The following HPSE2 variants were observed in gnomAD, a reference collection of about 807,000 sequenced individuals.
The protein encoded by HPSE2 is inactive heparanase-2.
In HPSE2, 38 loss-of-function variants were observed where a neutral mutation model predicts 60.5. The observed-to-expected ratio is 0.63, with a 90% CI of 0.48 to 0.82. The LOEUF (loss-of-function observed/expected upper bound fraction) is 0.82. HPSE2 is among the 40% of genes least tolerant of loss of function. The pLI, the probability that HPSE2 is intolerant of heterozygous loss-of-function variation, is 0.00. For missense variants in HPSE2, 713 were observed against 740.4 expected, an observed-to-expected ratio of 0.96 and a Z score of 0.43; for synonymous variants, 295 against 293.2, an observed-to-expected ratio of 1.01 and a Z score of -0.06.
chr10:99,042,753 G>A (rs1225912568), intron 3 of HPSE2, among the ~76,000 whole-genome samples: 1 of 151,982 alleles, frequency 6.6e-6, no homozygotes, highest in Non-Finnish European at 1.5e-5. Context: ...AGAAATGAAG[G>A]TGCAGTCCCA....
chr10:98,743,990 T>C lies in HPSE2; in HGVS notation c.677A>G (p.Asn226Ser). ...CSGLHLIFAL[N>S]ALRRNPNNSW... ...GTTATTGGGATTACGACGCAGTGCATTTAGAGCAAATATCAGGTGGAGTCC... is the reference window on the plus strand; with the variant it reads ...GTTATTGGGATTACGACGCAGTGCACTTAGAGCAAATATCAGGTGGAGTCC... Residue 226 changes from asparagine (N) to serine (S), a missense_variant, in exon 4 of 12, where the codon AAT becomes AGT. Transcript: ENST00000370552. 6.2e-7 allele frequency: 1 copy of C among 1,614,096 alleles called. No individual in the cohort carries two copies.
At chr10:99,042,698 T>C (rs1957768198) in intron 3 of HPSE2, among the ~76,000 whole-genome samples, 1 of 150,652 alleles carries the variant, frequency 6.6e-6, no homozygotes, top group African/African-American at 2.4e-5. Context: ...TGCCACTGCC[T>C]CTGCCAGAGA....
chr10:98,884,512 C>T (rs1953112269), intron 3 of HPSE2, among the ~76,000 whole-genome samples: 1 of 152,054 alleles, frequency 6.6e-6, no homozygotes, highest in Non-Finnish European at 1.5e-5. Context: ...TAAGTTGAAA[C>T]CAGTGCTCAT....
chr10:99,119,051 AAGAAAGAAAGAGAG>A (rs1564822200), intron 3 of HPSE2, among the ~76,000 whole-genome samples: 1 of 145,862 alleles, frequency 6.9e-6, no homozygotes, highest in Non-Finnish European at 1.5e-5. Flanking sequence ...AAAGAAAAGA[AAGAAAGAAAGAGAG>A]AGAAAGAAAG....
At chr10:98,979,427 T>C (rs1046087021) in intron 3 of HPSE2, among the ~76,000 whole-genome samples, 1 of 152,154 alleles carries the variant, frequency 6.6e-6, no homozygotes, top group African/African-American at 2.4e-5. Context: ...ATAAGCATAG[T>C]GCACAGCATT....
intron 3 of HPSE2, among the ~76,000 whole-genome samples, chr10:98,927,050 T>C (rs1165726228): frequency 2.0e-5 from 3 of 152,226 alleles, no homozygotes; most frequent in South Asian, 4.1e-4. Flanking sequence ...AATTTTGGAA[T>C]AGGCGTGGTG....
At chr10:98,979,875 T>C (rs201157685) in intron 3 of HPSE2, among the ~76,000 whole-genome samples, 1 of 152,176 alleles carries the variant, frequency 6.6e-6, no homozygotes, top group East Asian at 1.9e-4. Flanking sequence ...AAAAGCCATA[T>C]TGGATTGGCC....
chr10:99,295,120 T>C, the HPSE2 span, among the ~76,000 whole-genome samples: 1 of 151,728 alleles, frequency 6.6e-6, no homozygotes, highest in African/African-American at 2.4e-5. Context: ...ACAGTAATAA[T>C]AGCCTTTCAT....
At position 98,877,192 on chromosome 10, in the gene HPSE2, G is replaced by A. The variant is rs60422765; in HGVS notation, c.611-133136C>T. ...CTGAATTTCCTTTTTACTCCTGAGT[G>A]ATGGAAAGCTTGAAACTTAAGTTAA... On this transcript the variant is annotated intron_variant, in intron 3 of 11. Transcript: ENST00000370552. Among the ~76,000 whole-genome samples, 1,387 of 152,016 alleles carry A rather than the reference G, an allele frequency of 9.1e-3. 16 individuals carry two copies. Among genetic ancestry groups the A allele is most frequent in the African/African-American group, 0.031 (1,292 of 41,546 alleles).
chr10:99,036,583 CTCTT>C (rs1204964875), intron 3 of HPSE2, among the ~76,000 whole-genome samples: 3 of 152,126 alleles, frequency 2.0e-5, no homozygotes, highest in African/African-American at 7.2e-5. Flanking sequence ...GGACAACTAA[CTCTT>C]TCTTACAGAA....
At chr10:98,485,288 A>G (rs1157625885) in intron 10 of HPSE2, among the ~76,000 whole-genome samples, 1 of 152,214 alleles carries the variant, frequency 6.6e-6, no homozygotes, top group Non-Finnish European at 1.5e-5. Context: ...AGAACAATCC[A>G]TTAAGATTAT....
At chr10:98,828,960 T>C (rs936361958) in intron 3 of HPSE2, among the ~76,000 whole-genome samples, 1 of 141,012 alleles carries the variant, frequency 7.1e-6, no homozygotes, top group Non-Finnish European at 1.5e-5. Context: ...CCAAGTGTCA[T>C]AGGCAGATGA....
At chr10:99,223,133 A>AT (rs1386691564) in intron 2 of HPSE2, among the ~76,000 whole-genome samples, 1 of 152,160 alleles carries the variant, frequency 6.6e-6, no homozygotes, top group Non-Finnish European at 1.5e-5. Flanking sequence ...GATATCACTG[A>AT]GTCTCTGTGG....
the HPSE2 span, among the ~76,000 whole-genome samples, chr10:99,293,764 C>T: frequency 5.3e-5 from 8 of 152,174 alleles, no homozygotes; most frequent in Middle Eastern, 3.4e-3. Flanking sequence ...ATAACAATTA[C>T]GAGTTTTCAA....
intron 3 of HPSE2, among the ~76,000 whole-genome samples, chr10:98,909,390 G>A (rs905638288): frequency 6.6e-6 from 1 of 151,356 alleles, no homozygotes; most frequent in African/African-American, 2.4e-5. Flanking sequence ...CAGCACTTTG[G>A]GAGGTCGAAG....
At chr10:98,536,929 A>C (rs1204715048) in intron 9 of HPSE2, among the ~76,000 whole-genome samples, 3 of 152,196 alleles carry the variant, frequency 2.0e-5, no homozygotes, top group Non-Finnish European at 2.9e-5. Context: ...GGTAAAGGTC[A>C]AATCATGCAA....
intron 3 of HPSE2, among the ~76,000 whole-genome samples, chr10:98,751,609 A>G (rs1949760577): frequency 6.6e-6 from 1 of 152,346 alleles, no homozygotes; most frequent in Non-Finnish European, 1.5e-5. Flanking sequence ...ATGGGTGCCT[A>G]TAGAACAGTA....
chr10:98,809,674 T>A (rs958074957), intron 3 of HPSE2, among the ~76,000 whole-genome samples: 5 of 152,102 alleles, frequency 3.3e-5, no homozygotes, highest in African/African-American at 1.2e-4. Context: ...CATCTGAAAA[T>A]TTTAAAAATA....
intron 3 of HPSE2, among the ~76,000 whole-genome samples, chr10:99,064,727 C>CA (rs1475454608): frequency 4.9e-5 from 7 of 142,122 alleles, no homozygotes; most frequent in Non-Finnish European, 9.3e-5. Flanking sequence ...TACACCTTAT[C>CA]AACCAAAAAA....
Sources: gnomAD v4.1 joint callset for allele counts (sites outside exome capture counted in the v4.1 genomes callset) on GRCh38, gnomAD v4.1.1 for gene constraint, MANE v1.5 for transcripts, NCBI Gene and HGNC (gene_info 2026-07-23, HGNC 2026-07-21) for gene names.